MAP9: variants seen among roughly 807,000 people sequenced by gnomAD.
MAP9 encodes the protein microtubule-associated protein 9.
Under a neutral mutation model 75.2 loss-of-function variants are expected in MAP9, and 80 were observed. The ratio of observed to expected loss-of-function variants is 1.06; its 90% CI spans 0.89 to 1.28. The LOEUF is 1.28. Among genes scored for constraint, MAP9 ranks in the 50% most tolerant of loss-of-function variants. MAP9 has a pLI of 0.00. For synonymous variants in MAP9, 235 were observed against 237.3 expected (o/e 0.99, Z 0.09); for missense variants, 753 against 719.9 (o/e 1.05, Z -0.53).
chr4:155,371,637 A>C (rs554964116), intron 4 of MAP9, among the ~76,000 whole-genome samples: 1 of 151,886 alleles, frequency 6.6e-6, no homozygotes, highest in Admixed American at 6.6e-5. Context: ...CATTGCATAT[A>C]TAAGTAGAGC....
At position 155,350,583 on chromosome 4, in the gene MAP9, C is replaced by T. The variant is rs186570785; in HGVS notation, c.1821+2013G>A. Among the ~76,000 whole-genome samples, 79 of 151,918 alleles carry T rather than the reference C, an allele frequency of 5.2e-4. No homozygotes were observed. The East Asian group carries it at 0.015, about 29-fold the overall frequency. Reference sequence around the variant, plus strand: ...TGTACATCTTCTTAATATAAGTGGACTTTAAATTTTTTTTTAGAACATAGC... The same window carrying T: ...TGTACATCTTCTTAATATAAGTGGATTTTAAATTTTTTTTTAGAACATAGC... On this transcript the variant is annotated intron_variant, in intron 13 of 13. Transcript: ENST00000311277.
Position 155,352,693 on chromosome 4 carries a change from T to C in MAP9, c.1724A>G (p.Glu575Gly), listed in dbSNP as rs1678966595. 2 of 1,562,300 alleles carry C rather than the reference T, an allele frequency of 1.3e-6. No individual in the cohort carries two copies. The highest frequency in any genetic ancestry group is 1.8e-5 in the Admixed American group (1 of 55,102). ...TCTTTTCTCATTTATTTTTTCTTTT[T>C]CCTTTTGCTTGAAAAAAGCTTCCTT... ...EKKEAFFKQK[E>G]KEKINEKRKE... The change falls in exon 13 of 14, where the codon GAA becomes GGA. Residue 575 changes from glutamate to glycine, a missense_variant. By Grantham distance (98) the Glu-to-Gly change is moderately conservative. Coordinates refer to ENST00000311277, the MANE Select transcript of MAP9 (RefSeq NM_001039580.2).
At chr4:155,366,413 T>C (rs1194484368) in intron 5 of MAP9, among the ~76,000 whole-genome samples, 1 of 151,490 alleles carries the variant, frequency 6.6e-6, no homozygotes, top group Non-Finnish European at 1.5e-5. Context: ...GAAATAATAC[T>C]GAAAATCAAT....
At chr4:155,372,498 G>T (rs1732644573) in intron 4 of MAP9, among the ~76,000 whole-genome samples, 1 of 152,036 alleles carries the variant, frequency 6.6e-6, no homozygotes, top group African/African-American at 2.4e-5. Flanking sequence ...AAAATTGTGG[G>T]CAGAACTAAC....
intron 7 of MAP9, 88 bp downstream of exon 7, chr4:155,360,080 G>T: frequency 8.3e-7 from 1 of 1,208,448 alleles, no homozygotes; most frequent in Non-Finnish European, 1.2e-6. Context: ...TGGTAATTCA[G>T]AAGTATATAA....
At chr4:155,371,845 T>C (rs148744574) in intron 4 of MAP9, among the ~76,000 whole-genome samples, 3,066 of 152,278 alleles carry the variant, frequency 0.02, 199 homozygotes, top group Admixed American at 0.13. Flanking sequence ...CGCATTTTCT[T>C]AATAACGAAG....
Position 155,355,744 on chromosome 4 carries a change from G to T in MAP9, c.1262C>A (p.Ala421Glu). 1 of 1,612,762 alleles carries T rather than the reference G, an allele frequency of 6.2e-7. No homozygotes were observed. The highest frequency in any genetic ancestry group is 8.5e-7 in the Non-Finnish European group (1 of 1,179,532). Residue 421 changes from alanine to glutamate, a missense_variant, in exon 9 of 14, where the codon GCA (alanine) becomes GAA (glutamate). Ala to Glu is a moderately radical substitution (Grantham distance 107). Transcript: ENST00000311277. ...SQKQSIEPDR[A>E]DNIRAAVYQE... ...ATAAACAGCTGCCCTTATGTTATCT[G>T]CTCTATCAGGTTCTATGCTCTGTTT... is the stretch of plus-strand genomic sequence containing the variant.
intron 5 of MAP9, among the ~76,000 whole-genome samples, chr4:155,365,405 A>G (rs911148146): frequency 1.3e-5 from 2 of 152,126 alleles, no homozygotes; most frequent in African/African-American, 4.8e-5. Context: ...ACCCACAAAC[A>G]TAACTGGATA....
chr4:155,367,434 T>C (rs965474375), intron 5 of MAP9: 4 of 152,180 alleles, frequency 2.6e-5, no homozygotes, highest in Non-Finnish European at 4.4e-5. Context: ...CAGAGGAAAA[T>C]GGCCCTGCAA....
chr4:155,365,300 G>A (rs1254862006), intron 5 of MAP9, among the ~76,000 whole-genome samples: 9 of 151,914 alleles, frequency 5.9e-5, no homozygotes, highest in South Asian at 2.1e-4. Flanking sequence ...AGGTAGAGAC[G>A]TTTCATAATG....
At chr4:155,351,928 A>T (rs910737937) in intron 13 of MAP9, among the ~76,000 whole-genome samples, 2 of 152,056 alleles carry the variant, frequency 1.3e-5, no homozygotes, top group African/African-American at 4.8e-5. Context: ...TAAAGTATTT[A>T]TTCATAGTAA....
intron 1 of MAP9, 145 bp from the exon 2 acceptor site, chr4:155,376,059 A>C (rs1292046422): frequency 4.8e-6 from 2 of 414,766 alleles, no homozygotes; most frequent in Non-Finnish European, 8.6e-6. Context: ...CTTGTAAAGA[A>C]ATAGCAAATT....
At chr4:155,350,791 T>C (rs994441526) in intron 13 of MAP9, among the ~76,000 whole-genome samples, 5 of 151,982 alleles carry the variant, frequency 3.3e-5, no homozygotes, top group Admixed American at 6.6e-5. Context: ...ATTAAATGAC[T>C]TCAGGGAGAG....
At chr4:155,369,707 C>CT (rs1732512134) in intron 4 of MAP9, among the ~76,000 whole-genome samples, 2 of 152,140 alleles carry the variant, frequency 1.3e-5, no homozygotes, top group Non-Finnish European at 2.9e-5. Flanking sequence ...TGTTGGCACT[C>CT]AAGGGATAGG....
rs1731853830 is a variant in MAP9 at position 155,357,593 on chromosome 4, A to G, written c.1051-74T>C. The G allele has an allele frequency of 7.3e-6, 6 of 817,146 alleles. No homozygotes were observed. In the East Asian group the frequency reaches 7.7e-5, roughly 11 times the overall value. The allele number at this position is 817,146 out of a possible 1,614,324, so 50.6% of individuals were successfully genotyped here. Reference sequence around the variant, plus strand: ...TTTTAGGCTTAGAAGCCAAACTGCCAGTAAATCACTATTCTTTAAGCATCT... The same window carrying G: ...TTTTAGGCTTAGAAGCCAAACTGCCGGTAAATCACTATTCTTTAAGCATCT... On this transcript the variant is annotated intron_variant, in intron 7 of 13. Transcript: ENST00000311277.
chr4:155,357,187 A>G (rs1731831804), intron 8 of MAP9: 1 of 389,970 alleles, frequency 2.6e-6, no homozygotes, highest in African/African-American at 2.1e-5. Flanking sequence ...TCCTAGGACG[A>G]TCCTGGAGAG....
At chr4:155,363,236 A>G (rs2111247348) in intron 5 of MAP9, 1 of 152,294 alleles carries the variant, frequency 6.6e-6, no homozygotes, top group African/African-American at 2.4e-5. Context: ...GCTGATATCC[A>G]CTGCAGGAGA....
chr4:155,373,438 G>T lies in MAP9; in HGVS notation c.179C>A (p.Ser60Tyr). The part of the protein sequence containing the change: ...SDEIVSLGDF[S>Y]DTSADENSVN... Reference sequence around the variant, plus strand: ...TGAATTTTCATCTGCTGAAGTGTCAGAAAAATCACCTAAAGAAACTGAAAA... The same window carrying T: ...TGAATTTTCATCTGCTGAAGTGTCATAAAAATCACCTAAAGAAACTGAAAA... The change falls in exon 4 of 14, where the codon TCT (serine) becomes TAT (tyrosine). Residue 60 changes from serine (S) to tyrosine (Y), a missense_variant. By Grantham distance (144) the Ser-to-Tyr change is moderately radical. Transcript: ENST00000311277. 1 of 1,544,758 alleles carries T rather than the reference G, an allele frequency of 6.5e-7. No individual in the cohort carries two copies.
chr4:155,362,252 T>C, intron 5 of MAP9, 111 bp from the exon 6 acceptor site: 1 of 681,746 alleles, frequency 1.5e-6, no homozygotes. Flanking sequence ...CTCTGAAATC[T>C]GCATTATTTA....
Sources: gnomAD v4.1 joint callset for allele counts (sites outside exome capture counted in the v4.1 genomes callset) on GRCh38, gnomAD v4.1.1 for gene constraint, MANE v1.5 for transcripts, NCBI Gene and HGNC (gene_info 2026-07-23, HGNC 2026-07-21) for gene names.